ESRRG: variants seen among roughly 807,000 people sequenced by gnomAD.
ESRRG encodes estrogen related receptor gamma.
In ESRRG, 13 loss-of-function variants were observed where a neutral mutation model predicts 44.0. The ratio of observed to expected loss-of-function variants is 0.30; its 90% CI spans 0.19 to 0.47. ESRRG has a LOEUF of 0.47. Among genes scored for constraint, ESRRG ranks in the 20% least tolerant of loss-of-function variants. The pLI is 1.00. For synonymous variants in ESRRG, 215 were observed against 214.6 expected, an observed-to-expected ratio of 1.00 and a Z score of -0.02; for missense variants, 395 against 580.6, an observed-to-expected ratio of 0.68 and a Z score of 3.29.
intron 2 of ESRRG, among the ~76,000 whole-genome samples, chr1:216,838,109 G>T (rs568113681): frequency 6.6e-6 from 1 of 152,238 alleles, no homozygotes; most frequent in African/African-American, 2.4e-5. Flanking sequence ...GTTGACTGTT[G>T]CATTCCATCT....
chr1:217,035,319 CAAAAAAAAAAA>C (rs397709457), intron 1 of ESRRG, among the ~76,000 whole-genome samples: 1 of 75,178 alleles, frequency 1.3e-5, no homozygotes, highest in Non-Finnish European at 2.4e-5. Flanking sequence ...GACTCTGTCT[CAAAAAAAAAAA>C]AAAAAAAAAA....
intron 1 of ESRRG, among the ~76,000 whole-genome samples, chr1:217,023,947 T>C (rs1287495445): frequency 2.0e-5 from 3 of 152,216 alleles, no homozygotes; most frequent in African/African-American, 7.2e-5. Flanking sequence ...AGCTAGAAGA[T>C]ACAGTCATGA....
At chr1:216,712,281 C>T (rs1026039824) in intron 1 of ESRRG, among the ~76,000 whole-genome samples, 12 of 152,218 alleles carry the variant, frequency 7.9e-5, no homozygotes, top group East Asian at 5.8e-4. Context: ...TGCTATATAA[C>T]GGAAGAGCAA....
At chr1:216,891,616 G>A (rs2576270) in intron 2 of ESRRG, among the ~76,000 whole-genome samples, 114,504 of 152,092 alleles carry the variant, frequency 0.75, 44,542 homozygotes, top group African/African-American at 0.94. Flanking sequence ...GACAGGACCC[G>A]TACCATAGAG....
intron 2 of ESRRG, among the ~76,000 whole-genome samples, chr1:216,831,653 A>T: frequency 6.6e-6 from 1 of 152,310 alleles, no homozygotes; most frequent in Admixed American, 6.5e-5. Flanking sequence ...TAGATAAAAA[A>T]TTTAGATAAT....
At chr1:216,731,064 G>C (rs1383364969) in intron 2 of ESRRG, among the ~76,000 whole-genome samples, 1 of 152,062 alleles carries the variant, frequency 6.6e-6, no homozygotes, top group Non-Finnish European at 1.5e-5. Flanking sequence ...CCCTTCCCAG[G>C]GTAACATGGA....
At chr1:216,919,910 A>G (rs1164984037) in intron 2 of ESRRG, among the ~76,000 whole-genome samples, 1 of 152,228 alleles carries the variant, frequency 6.6e-6, no homozygotes, top group African/African-American at 2.4e-5. Flanking sequence ...ATTTTATTCT[A>G]ATAAGTCTAA....
intron 1 of ESRRG, among the ~76,000 whole-genome samples, chr1:217,031,931 T>C (rs980892192): frequency 2.6e-5 from 4 of 152,174 alleles, no homozygotes; most frequent in Admixed American, 6.5e-5. Flanking sequence ...CTTTATAAAT[T>C]ACTCAGTCTT....
At chr1:216,907,210 A>C (rs1046010507) in intron 2 of ESRRG, among the ~76,000 whole-genome samples, 7 of 152,154 alleles carry the variant, frequency 4.6e-5, no homozygotes, top group African/African-American at 7.2e-5. Context: ...GCATCTCTGC[A>C]CCTGTTCACC....
intron 1 of ESRRG, among the ~76,000 whole-genome samples, chr1:217,127,695 A>G (rs2092910346): frequency 6.6e-6 from 1 of 152,178 alleles, no homozygotes; most frequent in Admixed American, 6.5e-5. Flanking sequence ...CAAGTTATAG[A>G]AAAACTCCCT....
intron 3 of ESRRG, among the ~76,000 whole-genome samples, chr1:216,638,811 T>A (rs2065818544): frequency 6.6e-6 from 1 of 152,162 alleles, no homozygotes; most frequent in Admixed American, 6.5e-5. Context: ...AGACTTACAA[T>A]GTGTATTATT....
intron 3 of ESRRG, among the ~76,000 whole-genome samples, chr1:216,647,625 TA>T (rs2067921159): frequency 1.3e-5 from 2 of 152,310 alleles, no homozygotes; most frequent in South Asian, 4.1e-4. Flanking sequence ...ATTGTTTACC[TA>T]CTAAACCATC....
intron 2 of ESRRG, among the ~76,000 whole-genome samples, chr1:216,728,480 G>A (rs935206208): frequency 5.3e-5 from 8 of 151,798 alleles, no homozygotes; most frequent in African/African-American, 1.9e-4. Context: ...CAAAATAAAG[G>A]GTAGCTTAAC....
At chr1:216,558,659 A>G (rs1311279973) in intron 5 of ESRRG, among the ~76,000 whole-genome samples, 1 of 151,634 alleles carries the variant, frequency 6.6e-6, no homozygotes, top group Non-Finnish European at 1.5e-5. Context: ...TTTTTTCCTC[A>G]TTTGATTTCT....
chr1:217,017,144 A>G (rs998661756), intron 1 of ESRRG, among the ~76,000 whole-genome samples: 1 of 152,174 alleles, frequency 6.6e-6, no homozygotes, highest in Non-Finnish European at 1.5e-5. Context: ...AGAACTGTAG[A>G]CAGTTAGCTT....
chr1:216,653,668 C>A (rs1264964229), intron 2 of ESRRG, among the ~76,000 whole-genome samples: 2 of 152,184 alleles, frequency 1.3e-5, no homozygotes, highest in African/African-American at 4.8e-5. Flanking sequence ...ACTTCTCTGA[C>A]TATCCCAGCA....
intron 1 of ESRRG, among the ~76,000 whole-genome samples, chr1:217,119,662 A>C (rs1403663878): frequency 1.3e-5 from 2 of 152,210 alleles, no homozygotes; most frequent in Non-Finnish European, 2.9e-5. Flanking sequence ...TTTACTTAGG[A>C]GAGAACATCC....
intron 3 of ESRRG, among the ~76,000 whole-genome samples, chr1:216,633,159 A>G (rs2064581753): frequency 6.6e-6 from 1 of 152,250 alleles, no homozygotes; most frequent in African/African-American, 2.4e-5. Flanking sequence ...ATTTGCAGCA[A>G]TCTCCTGCTC....
intron 1 of ESRRG, among the ~76,000 whole-genome samples, chr1:217,001,935 G>A (rs938383315): frequency 4.6e-5 from 7 of 152,078 alleles, no homozygotes; most frequent in African/African-American, 1.4e-4. Context: ...TCAGCACATG[G>A]AAATGGACCT....
Sources: allele counts gnomAD v4.1 joint callset (sites outside exome capture counted in the v4.1 genomes callset), GRCh38; gene constraint gnomAD v4.1.1; transcripts MANE v1.5; gene names NCBI Gene and HGNC (gene_info 2026-07-23, HGNC 2026-07-21).